The following PBXIP1 variants were observed in gnomAD, a reference collection of about 807,000 sequenced individuals.
PBXIP1 encodes pre-B-cell leukemia transcription factor-interacting protein 1.
Under a neutral mutation model 73.7 loss-of-function variants are expected in PBXIP1, and 73 were observed. The ratio of observed to expected loss-of-function variants is 0.99; its 90% CI spans 0.82 to 1.20. PBXIP1 has a LOEUF of 1.20. Ranked by LOEUF, PBXIP1 falls within the 50% of genes most tolerant of loss-of-function variation. The pLI is 0.00. For missense variants in PBXIP1, 818 were observed against 911.4 expected (o/e 0.90, Z 1.32); for synonymous variants, 330 against 366.9 (o/e 0.90, Z 1.15).
rs149080909 is a variant in PBXIP1, at chr1:154,948,163, G to A, written c.613C>T (p.Leu205=). The A allele has an allele frequency of 1.6e-4, 258 of 1,594,948 alleles. No individual in the cohort carries two copies. In the African/African-American group the frequency reaches 2.8e-3, roughly 18 times the overall value. The change falls in exon 6 of 11, where the codon CTG becomes TTG. Residue 205 remains leucine, a synonymous_variant. Coordinates refer to ENST00000368463, the MANE Select transcript of PBXIP1 (RefSeq NM_020524.4). ...AAGAGGAGGACCCCCAGGCCAAGCA[G>A]AACCAGGGCCCCAAGGAGGCACATG... ...LNMCLLGALV[L]LGLGVLLFSG... is the part of the protein sequence containing the mutation.
intron 5 of PBXIP1, 41 bp from the exon 6 acceptor site, chr1:154,948,407 G>C (rs758304419): frequency 2.2e-6 from 3 of 1,369,636 alleles, no homozygotes; most frequent in Middle Eastern, 2.3e-4. Flanking sequence ...GGTGACTGGA[G>C]AGATGGGGAG....
intron 2 of PBXIP1, among the ~76,000 whole-genome samples, 167 bp from the exon 3 acceptor site, chr1:154,952,088 G>C (rs566872837): frequency 5.9e-5 from 9 of 152,236 alleles, no homozygotes; most frequent in African/African-American, 2.2e-4. Context: ...AACTTTCAGG[G>C]GCCAGGTTTC....
chr1:154,948,211 C>G lies in PBXIP1; in HGVS notation c.565G>C (p.Gly189Arg). 6.2e-7 allele frequency: 1 copy of G among 1,611,504 alleles called. No individual in the cohort carries two copies. The highest frequency in any genetic ancestry group is 1.1e-5 in the South Asian group (1 of 90,768). The change falls in exon 6 of 11, where the codon GGG becomes CGG. Residue 189 changes from glycine (G) to arginine (R), a missense_variant. Gly to Arg is a moderately radical substitution (Grantham distance 125, BLOSUM62 -2). Transcript: ENST00000368463. ...ENQAGGEGAG[G>R]ELGISLNMCL... is the part of the protein sequence containing the mutation. ...ATGTTGAGGGAGATGCCCAGCTCCCCGCCTGCACCCTCACCCCCAGCCTGG... is the reference window on the plus strand; with the variant it reads ...ATGTTGAGGGAGATGCCCAGCTCCCGGCCTGCACCCTCACCCCCAGCCTGG...
chr1:154,946,865 C>T (rs1654845488), intron 9 of PBXIP1, 62 bp from the exon 10 acceptor site: 2 of 1,448,986 alleles, frequency 1.4e-6, no homozygotes, highest in Non-Finnish European at 1.8e-6. Flanking sequence ...GCCCCAATGC[C>T]TTCTACCCCA....
rs534638168 is a variant in PBXIP1 at position 154,949,811 on chromosome 1, G to A, written c.409+1421C>T. ...GAACTGGGAAGACGCCCTGACTATA[G>A]TGGGAGAGGGGAGGGTCAGGATGTG... On this transcript the variant is annotated intron_variant, in intron 5 of 10. Transcript: ENST00000368463. Among the ~76,000 whole-genome samples the A allele has an allele frequency of 1.3e-4, 20 of 151,950 alleles. No homozygotes were observed. The South Asian group carries it at 3.7e-3, about 28-fold the overall frequency.
intron 5 of PBXIP1, among the ~76,000 whole-genome samples, chr1:154,950,682 C>CTT (rs1348097814): frequency 3.9e-5 from 6 of 152,248 alleles, no homozygotes; most frequent in African/African-American, 1.2e-4. Context: ...AAAACATTCT[C>CTT]TTTTCCCTGC....
In PBXIP1 at chr1:154,944,867, A is replaced by C. The variant is rs1558036259; in HGVS notation, c.*157T>G. On this transcript the variant is annotated 3_prime_UTR_variant, in exon 11 of 11. Transcript: ENST00000368463. ...GTCCAGCTAAGGCCTTTTTCTACAT[A>C]AAGTGACATCAGTGCAGGGCTGGTG... 1.3e-5 allele frequency: 8 copies of C among 597,806 alleles called. No homozygotes were observed. In the East Asian group the frequency reaches 2.2e-4, roughly 17 times the overall value. The allele number at this position is 597,806 out of a possible 1,614,324, so 37.0% of individuals were successfully genotyped here. A position where few individuals can be genotyped will look rare whatever the true frequency, so the allele number is the denominator to read the frequency against.
chr1:154,949,642 G>C (rs1483723287), intron 5 of PBXIP1, among the ~76,000 whole-genome samples: 1 of 152,156 alleles, frequency 6.6e-6, no homozygotes, highest in East Asian at 1.9e-4. Flanking sequence ...ATGGCACCTG[G>C]CATGTTCTTT....
chr1:154,952,662 C>A (rs555384900), intron 2 of PBXIP1, among the ~76,000 whole-genome samples: 8 of 152,294 alleles, frequency 5.3e-5, no homozygotes, highest in African/African-American at 1.9e-4. Flanking sequence ...CATGGTCCCC[C>A]CTACAAGGCA....
rs1294723852 is a variant in PBXIP1 at position 154,946,035 on chromosome 1, TACC to T, written c.1636_1638del (p.Gly546del). ...TGCTTTTCTCCAGAGGAGTGGAAGC[TACC>T]ACTTTTCCTTGGGGGTTCCTTCGGG... On this transcript the variant is annotated inframe_deletion, in exon 10 of 11. Coordinates refer to ENST00000368463, the MANE Select transcript of PBXIP1 (RefSeq NM_020524.4). The T allele has an allele frequency of 6.2e-7, 1 of 1,614,052 alleles. No individual in the cohort carries two copies. The highest frequency in any genetic ancestry group is 1.3e-5 in the African/African-American group (1 of 74,914).
In PBXIP1 at chr1:154,944,964, T is replaced by C. The variant is rs902882806; in HGVS notation, c.*60A>G. ...AGGACAGAGTCCACCCTCCAGGAGTTAGATAACGCTGGGATCTTGGGCTGG... is the reference window on the plus strand; with the variant it reads ...AGGACAGAGTCCACCCTCCAGGAGTCAGATAACGCTGGGATCTTGGGCTGG... On this transcript the variant is annotated 3_prime_UTR_variant, in exon 11 of 11. Transcript: ENST00000368463. The C allele has an allele frequency of 1.3e-5, 17 of 1,359,280 alleles. 1 individual carries two copies. Among genetic ancestry groups the C allele is most frequent in the Admixed American group, 1.7e-5 (1 of 58,806 alleles). The allele number at this position is 1,359,280 out of a possible 1,614,324, so 84.2% of individuals were successfully genotyped here.
Position 154,948,155 on chromosome 1 carries a change from G to A in PBXIP1, c.621C>T (p.Gly207=), listed in dbSNP as rs770970226. The A allele has an allele frequency of 1.4e-5, 22 of 1,589,440 alleles. No homozygotes were observed. The highest frequency in any genetic ancestry group is 5.4e-5 in the African/African-American group (4 of 74,174). ...MCLLGALVLL[G]LGVLLFSGGL... Reference sequence around the variant, plus strand: ...CACCTGAGAAGAGGAGGACCCCCAGGCCAAGCAGAACCAGGGCCCCAAGGA... The same window carrying A: ...CACCTGAGAAGAGGAGGACCCCCAGACCAAGCAGAACCAGGGCCCCAAGGA... Residue 207 remains glycine, a synonymous_variant, in exon 6 of 11, where the codon GGC becomes GGT. Transcript: ENST00000368463.
In PBXIP1 at chr1:154,948,380, C is replaced by A; in HGVS notation, c.410-14G>T. The A allele has an allele frequency of 6.5e-7, 1 of 1,544,370 alleles. No individual in the cohort carries two copies. On this transcript the variant is annotated splice_polypyrimidine_tract_variant and intron_variant, in intron 5 of 10. Coordinates refer to ENST00000368463, the MANE Select transcript of PBXIP1 (RefSeq NM_020524.4). ...CCCTGATCCAAGCTAGGGGAAAGGA[C>A]AGGGACAGGGCAGTGAGGTGACTGG...
At position 154,947,493 on chromosome 1, in the gene PBXIP1, A is replaced by T; in HGVS notation, c.794T>A (p.Leu265Gln). The T allele has an allele frequency of 6.2e-7, 1 of 1,612,932 alleles. No homozygotes were observed. The highest frequency in any genetic ancestry group is 1.7e-4 in the Middle Eastern group (1 of 6,052). Residue 265 changes from leucine (L) to glutamine (Q), a missense_variant, in exon 9 of 11, where the codon CTG becomes CAG. By Grantham distance (113) the Leu-to-Gln change is moderately radical (BLOSUM62 -2). Transcript: ENST00000368463. ...APVPPDSVPSLQNMGLLLDKL... is the reference protein window; with the variant it reads ...APVPPDSVPSQQNMGLLLDKL... Reference sequence around the variant, plus strand: ...GTCCAGCAGAAGACCCATGTTTTGCAGGCTGGGGACACTGTCAGGAGGCAC... The same window carrying T: ...GTCCAGCAGAAGACCCATGTTTTGCTGGCTGGGGACACTGTCAGGAGGCAC...
At position 154,947,680 on chromosome 1, in the gene PBXIP1, G is replaced by T; in HGVS notation, c.700C>A (p.Pro234Thr). 6.2e-7 allele frequency: 1 copy of T among 1,613,818 alleles called. No homozygotes were observed. Among genetic ancestry groups the T allele is most frequent in the Non-Finnish European group, 8.5e-7 (1 of 1,179,960 alleles). Residue 234 changes from proline to threonine, a missense_variant, in exon 8 of 11, where the codon CCA becomes ACA. Physicochemically the swap from Pro to Thr is conservative, Grantham distance 38 (BLOSUM62 -1). Transcript: ENST00000368463. ...PMEEVERQVL[P>T]DPEVLEAVGD... ...ACAGCTTCCAGCACCTCGGGGTCTG[G>T]GAGGACCTGCCGCTCCACTTCCTCC...
rs1654895854 is a variant in PBXIP1, at chr1:154,948,244, C to T, written c.532G>A (p.Val178Met). ...CCCTCACCCCCAGCCTGGTTCTCCA[C>T]AGCCAGGGGCACCATGGGCTGAGGT... Reference protein sequence around the residue: ...GPPQPMVPLAVENQAGGEGAG... With the variant: ...GPPQPMVPLAMENQAGGEGAG... The change falls in exon 6 of 11, where the codon GTG becomes ATG. Residue 178 changes from valine to methionine, a missense_variant. Physicochemically the swap from Val to Met is conservative, Grantham distance 21. Transcript: ENST00000368463. The T allele has an allele frequency of 6.2e-7, 1 of 1,612,172 alleles. No homozygotes were observed. Among genetic ancestry groups the T allele is most frequent in the Non-Finnish European group, 8.5e-7 (1 of 1,179,340 alleles).
rs759188889 is a variant in PBXIP1, at chr1:154,953,741, G to A, written c.-20C>T. Reference sequence around the variant, plus strand: ...GGCCATAGTTGCTGAGGTCCCTGAGGCTGCTGTGGCTGCCACCTGCAGAAG... The same window carrying A: ...GGCCATAGTTGCTGAGGTCCCTGAGACTGCTGTGGCTGCCACCTGCAGAAG... On this transcript the variant is annotated 5_prime_UTR_variant, in exon 2 of 11. Transcript: ENST00000368463. The A allele has an allele frequency of 2.4e-5, 39 of 1,610,378 alleles. 1 individual carries two copies. Among genetic ancestry groups the A allele is most frequent in the Non-Finnish European group, 6.8e-6 (8 of 1,177,784 alleles).
chr1:154,951,098 AGTG>A lies in PBXIP1; in HGVS notation c.409+131_409+133del. 1 of 731,944 alleles carries A rather than the reference AGTG, an allele frequency of 1.4e-6. No individual in the cohort carries two copies. Among genetic ancestry groups the A allele is most frequent in the Non-Finnish European group, 2.3e-6 (1 of 436,268 alleles). 45.3% of individuals were successfully genotyped at this position (731,944 alleles called of 1,614,324 possible). ...TTCTGGGCCTCAACGTCCCAGGGGT[AGTG>A]GTGAGAAAGGAGAGCACCAAGCTGC... On this transcript the variant is annotated intron_variant, in intron 5 of 10. Coordinates refer to ENST00000368463, the MANE Select transcript of PBXIP1 (RefSeq NM_020524.4). This position sits in a 1 kb window ranked among gnomAD's most constrained non-coding sequence, Gnocchi z 4.3.
chr1:154,947,622 C>T lies in PBXIP1; in HGVS notation c.738+20G>A. 6.2e-7 allele frequency: 1 copy of T among 1,613,400 alleles called. No individual in the cohort carries two copies. The highest frequency in any genetic ancestry group is 8.5e-7 in the Non-Finnish European group (1 of 1,179,570). ...CTCCCCAGCCAGGCCCCACCTGCCT[C>T]TGGAGACATTCACACATACCTGCCT... On this transcript the variant is annotated intron_variant, in intron 8 of 10. Coordinates refer to ENST00000368463, the MANE Select transcript of PBXIP1 (RefSeq NM_020524.4).
Sources: allele counts gnomAD v4.1 joint callset (sites outside exome capture counted in the v4.1 genomes callset), GRCh38; gene constraint gnomAD v4.1.1; non-coding constraint Gnocchi (gnomAD v3.1); transcripts MANE v1.5; gene names NCBI Gene and HGNC (gene_info 2026-07-23, HGNC 2026-07-21).